ADGRL4: variants seen among roughly 807,000 people sequenced by gnomAD.
ADGRL4 encodes the protein EGF, latrophilin and seven transmembrane domain containing 1.
In ADGRL4, 90 loss-of-function variants were observed where a neutral mutation model predicts 74.8. The observed-to-expected ratio is 1.20, with a 90% CI of 1.02 to 1.43. ADGRL4 has a LOEUF of 1.43. Among genes scored for constraint, ADGRL4 ranks in the 40% most tolerant of loss-of-function variants. The probability of loss-of-function intolerance (pLI) is 0.00; values close to 1 mark genes in which losing one functional copy is unlikely to be tolerated. For missense variants in ADGRL4, 881 were observed against 814.3 expected, an observed-to-expected ratio of 1.08 and a Z score of -1.00; for synonymous variants, 311 against 279.2, an observed-to-expected ratio of 1.11 and a Z score of -1.14.
intron 3 of ADGRL4, among the ~76,000 whole-genome samples, chr1:78,940,629 G>C (rs1157274629): frequency 3.9e-5 from 6 of 151,908 alleles, no homozygotes. Flanking sequence ...TTCTACCCCA[G>C]GTTTGACGTC....
Position 78,976,877 on chromosome 1 carries a change from A to T in ADGRL4, c.172+28193T>A, listed in dbSNP as rs150886763. Among the ~76,000 whole-genome samples the T allele has an allele frequency of 2.6e-3, 399 of 151,758 alleles. 2 individuals carry two copies. Among genetic ancestry groups the T allele is most frequent in the Non-Finnish European group, 4.8e-3 (324 of 67,756 alleles). On this transcript the variant is annotated intron_variant, in intron 2 of 14. Transcript: ENST00000370742. ...TAAGAAAAAAATACTAACTCTACAT[A>T]AACTCTCCCAAAATATTGAAGAGAA...
intron 2 of ADGRL4, among the ~76,000 whole-genome samples, chr1:78,978,122 A>T (rs1263578230): frequency 6.6e-6 from 1 of 151,924 alleles, no homozygotes; most frequent in Non-Finnish European, 1.5e-5. Flanking sequence ...CATCTAATAT[A>T]ATAGGATTTC....
chr1:78,973,209 G>T (rs1650206720), intron 2 of ADGRL4, among the ~76,000 whole-genome samples: 1 of 151,734 alleles, frequency 6.6e-6, no homozygotes, highest in African/African-American at 2.4e-5. Flanking sequence ...AAATTTGTGT[G>T]TTTTTTTAAA....
chr1:78,978,567 A>T (rs1169802651), intron 2 of ADGRL4, among the ~76,000 whole-genome samples: 2 of 151,834 alleles, frequency 1.3e-5, no homozygotes, highest in African/African-American at 4.8e-5. Context: ...ATATTCTTCA[A>T]CAAAATGATA....
At chr1:78,901,341 T>G (rs1435255479) in intron 12 of ADGRL4, among the ~76,000 whole-genome samples, 1 of 152,156 alleles carries the variant, frequency 6.6e-6, no homozygotes, top group Non-Finnish European at 1.5e-5. Context: ...GATCTATAAT[T>G]GTTTGAAAGA....
At chr1:78,918,896 T>C (rs1033004047) in intron 10 of ADGRL4, among the ~76,000 whole-genome samples, 4 of 151,862 alleles carry the variant, frequency 2.6e-5, no homozygotes, top group Admixed American at 1.3e-4. Context: ...GGAAGTGAGA[T>C]TTGAGATATG....
Position 78,895,250 on chromosome 1 carries a change from GATA to G in ADGRL4, c.1750-2064_1750-2062del, listed in dbSNP as rs372650019. ...ACTGATTATATTATCCACATTCATT[GATA>G]ATAATACAAATATGCGGAACTTTTT... On this transcript the variant is annotated intron_variant, in intron 12 of 14. Coordinates refer to ENST00000370742, the MANE Select transcript of ADGRL4 (RefSeq NM_022159.4). 5.3e-4 allele frequency among the ~76,000 whole-genome samples: 81 copies of G among 152,004 alleles called. 1 individual carries two copies. The highest frequency in any genetic ancestry group is 1.9e-3 in the African/African-American group (80 of 41,514).
At chr1:78,957,489 A>G (rs934088681) in intron 2 of ADGRL4, among the ~76,000 whole-genome samples, 1 of 152,210 alleles carries the variant, frequency 6.6e-6, no homozygotes, top group Admixed American at 6.6e-5. Flanking sequence ...TGATACGGTG[A>G]AAGTTTTAGT....
At chr1:78,989,582 C>T (rs1231117175) in intron 2 of ADGRL4, among the ~76,000 whole-genome samples, 1 of 151,382 alleles carries the variant, frequency 6.6e-6, no homozygotes, top group African/African-American at 2.4e-5. Flanking sequence ...TCCCGAAGTG[C>T]CCGTTATGTG....
At chr1:78,892,808 A>G (rs946126359) in intron 13 of ADGRL4, among the ~76,000 whole-genome samples, 1 of 152,076 alleles carries the variant, frequency 6.6e-6, no homozygotes, top group Non-Finnish European at 1.5e-5. Context: ...AGTTCTGAAA[A>G]GCATTTTACA....
chr1:78,994,831 T>C (rs952677613), intron 2 of ADGRL4, among the ~76,000 whole-genome samples: 1 of 152,174 alleles, frequency 6.6e-6, no homozygotes, highest in Admixed American at 6.5e-5. Flanking sequence ...ATTATTTTGA[T>C]ACCTGGCAAT....
intron 12 of ADGRL4, among the ~76,000 whole-genome samples, chr1:78,911,380 T>G (rs1036739027): frequency 2.6e-5 from 4 of 151,862 alleles, no homozygotes; most frequent in African/African-American, 9.7e-5. Context: ...ATTTGAAGCT[T>G]CACTTATATT....
At chr1:78,975,283 T>G (rs1193903177) in intron 2 of ADGRL4, among the ~76,000 whole-genome samples, 1 of 152,094 alleles carries the variant, frequency 6.6e-6, no homozygotes, top group African/African-American at 2.4e-5. Flanking sequence ...AATTACTGCT[T>G]AGAATAAGTA....
chr1:78,896,892 AC>A (rs1210751934), intron 12 of ADGRL4, among the ~76,000 whole-genome samples: 1 of 152,096 alleles, frequency 6.6e-6, no homozygotes, highest in East Asian at 1.9e-4. Context: ...CACTCCACTC[AC>A]AGTGAGTTCA....
At chr1:78,921,922 G>C (rs1422396621) in intron 8 of ADGRL4, 136 bp from the exon 9 acceptor site, 7 of 444,770 alleles carry the variant, frequency 1.6e-5, no homozygotes, top group African/African-American at 1.2e-4. Context: ...TATAACAAAG[G>C]CTGCTATGTG....
intron 12 of ADGRL4, among the ~76,000 whole-genome samples, chr1:78,901,999 C>A (rs2100655601): frequency 6.6e-6 from 1 of 152,146 alleles, no homozygotes; most frequent in Non-Finnish European, 1.5e-5. Flanking sequence ...CATCTGAAAC[C>A]ATAATAAATA....
chr1:78,892,181 G>A (rs528613856), intron 13 of ADGRL4, among the ~76,000 whole-genome samples: 30 of 152,198 alleles, frequency 2.0e-4, no homozygotes, highest in African/African-American at 6.7e-4. Context: ...GAGAAGAAAC[G>A]AACGTGTAGG....
At chr1:78,993,494 C>T (rs1200969074) in intron 2 of ADGRL4, among the ~76,000 whole-genome samples, 1 of 151,866 alleles carries the variant, frequency 6.6e-6, no homozygotes, top group Non-Finnish European at 1.5e-5. Context: ...ATGAATAACA[C>T]ATGGAGTAAA....
chr1:78,958,513 G>A (rs1266509142), intron 2 of ADGRL4, among the ~76,000 whole-genome samples: 1 of 152,164 alleles, frequency 6.6e-6, no homozygotes, highest in East Asian at 1.9e-4. Context: ...AGTGGAGGAA[G>A]TAACTGCGGA....
Sources: gnomAD v4.1 joint callset for allele counts (sites outside exome capture counted in the v4.1 genomes callset) on GRCh38, gnomAD v4.1.1 for gene constraint, MANE v1.5 for transcripts, NCBI Gene and HGNC (gene_info 2026-07-23, HGNC 2026-07-21) for gene names.